PRKCB: variants seen among roughly 807,000 people sequenced by gnomAD.
PRKCB encodes protein kinase C beta.
PRKCB carries 13 observed loss-of-function variants against 81.5 expected under a neutral mutation model. The observed-to-expected ratio is 0.16, with a 90% confidence interval of 0.10 to 0.25. The LOEUF (loss-of-function observed/expected upper bound fraction) is 0.25. PRKCB is among the 10% of genes least tolerant of loss of function. The pLI is 1.00. For synonymous variants in PRKCB, 335 were observed against 321.4 expected, an observed-to-expected ratio of 1.04 and a Z score of -0.45; for missense variants, 509 against 875.7, an observed-to-expected ratio of 0.58 and a Z score of 5.29.
chr16:24,025,367 G>A (rs1406924291), intron 3 of PRKCB, among the ~76,000 whole-genome samples: 2 of 152,194 alleles, frequency 1.3e-5, no homozygotes, highest in Non-Finnish European at 2.9e-5. Flanking sequence ...TAAGTAGTAT[G>A]TACTTTATAG....
At chr16:23,981,627 CTT>C (rs200473289) in intron 2 of PRKCB, among the ~76,000 whole-genome samples, 1 of 143,418 alleles carries the variant, frequency 7.0e-6, no homozygotes, top group Non-Finnish European at 1.5e-5. Flanking sequence ...TTTCCCTTCC[CTT>C]TTTTCCCTTT....
At chr16:24,109,783 C>T (rs975950767) in intron 7 of PRKCB, among the ~76,000 whole-genome samples, 1 of 133,538 alleles carries the variant, frequency 7.5e-6, no homozygotes, top group African/African-American at 3.5e-5. Context: ...TGTAGCGAGC[C>T]GAGATCACGC....
chr16:24,069,943 C>A (rs978530505), intron 5 of PRKCB, among the ~76,000 whole-genome samples: 6 of 152,150 alleles, frequency 3.9e-5, no homozygotes, highest in Non-Finnish European at 8.8e-5. Flanking sequence ...TCCTTCCTTC[C>A]TTCAGTGTGT....
chr16:23,949,730 A>C (rs1489606608), intron 2 of PRKCB, among the ~76,000 whole-genome samples: 2 of 152,226 alleles, frequency 1.3e-5, no homozygotes, highest in Non-Finnish European at 2.9e-5. Context: ...TCCAGTAGGC[A>C]TGAAGCCAGG....
chr16:23,987,625 T>C (rs1166327226), intron 2 of PRKCB, among the ~76,000 whole-genome samples: 2 of 152,168 alleles, frequency 1.3e-5, no homozygotes, highest in East Asian at 3.9e-4. Context: ...CCTAGACTCA[T>C]TGTGTCACTA....
intron 5 of PRKCB, among the ~76,000 whole-genome samples, chr16:24,077,909 CT>C (rs1406939549): frequency 1.3e-5 from 2 of 152,166 alleles, no homozygotes; most frequent in African/African-American, 4.8e-5. Flanking sequence ...AGCAGGGAGC[CT>C]ATTGAAGATA....
At chr16:24,071,531 G>A (rs1445457263) in intron 5 of PRKCB, among the ~76,000 whole-genome samples, 1 of 150,460 alleles carries the variant, frequency 6.6e-6, no homozygotes, top group African/African-American at 2.4e-5. Flanking sequence ...CAATTTTAAT[G>A]TGGATCCAGA....
chr16:24,036,839 T>C (rs986574123), intron 5 of PRKCB, among the ~76,000 whole-genome samples: 2 of 152,130 alleles, frequency 1.3e-5, no homozygotes, highest in African/African-American at 4.8e-5. Context: ...GAGACAAATA[T>C]GAGACTCTGC....
At chr16:23,913,308 C>T (rs912204222) in intron 2 of PRKCB, among the ~76,000 whole-genome samples, 9 of 151,788 alleles carry the variant, frequency 5.9e-5, no homozygotes, top group Non-Finnish European at 1.0e-4. Context: ...TCAGCCAGAC[C>T]GACCTTCCTC....
At chr16:23,925,529 T>C (rs1189252130) in intron 2 of PRKCB, among the ~76,000 whole-genome samples, 1 of 152,114 alleles carries the variant, frequency 6.6e-6, no homozygotes, top group Non-Finnish European at 1.5e-5. Context: ...ACTCCATTCT[T>C]GACATTGTCT....
At chr16:24,009,581 C>A (rs1228642468) in intron 3 of PRKCB, among the ~76,000 whole-genome samples, 1 of 144,492 alleles carries the variant, frequency 6.9e-6, no homozygotes, top group East Asian at 2.0e-4. Flanking sequence ...GGAGCCACCA[C>A]GCCCGGCCTA....
At chr16:23,886,406 G>GTTTTTTTGTTTTTTTTTGTTTTTTT in intron 2 of PRKCB, among the ~76,000 whole-genome samples, 1 of 70,222 alleles carries the variant, frequency 1.4e-5, no homozygotes, top group African/African-American at 6.4e-5. Context: ...TGTGTTAGGT[G>GTTTTTTTGTTTTTTTTTGTTTTTTT]TTTTTTTTTT....
In PRKCB at chr16:23,860,871, A is replaced by G. The variant is rs141208922; in HGVS notation, c.205+23465A>G. ...CAGTGAGCCAAGATCGCGCTACTGT[A>G]CTCTAGCCTAGGCAACAGAATGAGA... On this transcript the variant is annotated intron_variant, in intron 2 of 16. Coordinates refer to ENST00000643927, the MANE Select transcript of PRKCB (RefSeq NM_002738.7). Among the ~76,000 whole-genome samples the G allele has an allele frequency of 8.8e-3, 1,340 of 152,174 alleles. 30 individuals carry two copies. The highest frequency in any genetic ancestry group is 0.029 in the African/African-American group (1,212 of 41,526).
At chr16:24,112,261 C>T (rs1311849195) in intron 7 of PRKCB, among the ~76,000 whole-genome samples, 1 of 152,196 alleles carries the variant, frequency 6.6e-6, no homozygotes, top group Non-Finnish European at 1.5e-5. Flanking sequence ...AGTGTATTTA[C>T]AGTCAGGCAG....
chr16:23,899,603 ACTCTCTCTCTCT>A (rs370318979), intron 2 of PRKCB, among the ~76,000 whole-genome samples: 3,473 of 45,554 alleles, frequency 0.076, 988 homozygotes, highest in African/African-American at 0.21. Flanking sequence ...ATCCATAAGA[ACTCTCTCTCTCT>A]CTCTCTCTCT....
At chr16:24,049,822 T>G (rs1003161405) in intron 5 of PRKCB, among the ~76,000 whole-genome samples, 5 of 152,224 alleles carry the variant, frequency 3.3e-5, no homozygotes, top group Admixed American at 1.3e-4. Flanking sequence ...CTTCCCACCT[T>G]AGCATTGTGG....
intron 2 of PRKCB, among the ~76,000 whole-genome samples, chr16:23,964,613 G>A (rs1964464385): frequency 6.6e-6 from 1 of 151,600 alleles, no homozygotes; most frequent in Non-Finnish European, 1.5e-5. Context: ...CTGTCCTAGA[G>A]ATGAGAAAAC....
chr16:24,091,443 G>A (rs8058538), intron 5 of PRKCB, among the ~76,000 whole-genome samples: 8,393 of 152,128 alleles, frequency 0.055, 675 homozygotes, highest in African/African-American at 0.18. Flanking sequence ...TAAGAGCTGT[G>A]CAATTCTCAT....
chr16:23,915,125 C>G (rs1297335621), intron 2 of PRKCB, among the ~76,000 whole-genome samples: 2 of 152,154 alleles, frequency 1.3e-5, no homozygotes, highest in African/African-American at 2.4e-5. Flanking sequence ...TCCCGTTAGC[C>G]CCTGATCTCT....
Sources: allele counts gnomAD v4.1 joint callset (sites outside exome capture counted in the v4.1 genomes callset), GRCh38; gene constraint gnomAD v4.1.1; transcripts MANE v1.5; gene names NCBI Gene and HGNC (gene_info 2026-07-23, HGNC 2026-07-21).